Variants in RASAL2 observed in about 807,000 individuals in gnomAD.
The protein encoded by RASAL2 is RAS protein activator like 2, also known as ras GTPase-activating protein nGAP.
RASAL2 carries 58 observed loss-of-function variants against 128.9 expected under a neutral mutation model. The observed-to-expected ratio is 0.45, with a 90% CI of 0.36 to 0.56. The LOEUF is 0.56. Among genes scored for constraint, RASAL2 ranks in the 20% least tolerant of loss-of-function variants. RASAL2 has a pLI of 0.00. For missense variants in RASAL2, 1,360 were observed against 1,601.6 expected (o/e 0.85, Z 2.57); for synonymous variants, 561 against 580.8 (o/e 0.97, Z 0.49).
chr1:178,301,161 A>G (rs1667745076), intron 3 of RASAL2, among the ~76,000 whole-genome samples: 1 of 152,148 alleles, frequency 6.6e-6, no homozygotes, highest in South Asian at 2.1e-4. Context: ...TTGCTTTCCT[A>G]GAAATTAGTT....
chr1:178,323,240 C>G (rs1668878685), intron 3 of RASAL2, among the ~76,000 whole-genome samples: 4 of 152,180 alleles, frequency 2.6e-5, no homozygotes, highest in Admixed American at 2.0e-4. Flanking sequence ...AAGATTGTAT[C>G]TTACTCACCT....
chr1:178,191,165 GA>G (rs2101947546), intron 1 of RASAL2, among the ~76,000 whole-genome samples: 1 of 152,136 alleles, frequency 6.6e-6, no homozygotes, highest in East Asian at 1.9e-4. Flanking sequence ...GAAGTCAGTG[GA>G]AAAACCTCTT....
intron 1 of RASAL2, among the ~76,000 whole-genome samples, chr1:178,110,126 A>G (rs2102242038): frequency 6.6e-6 from 1 of 152,290 alleles, no homozygotes; most frequent in Non-Finnish European, 1.5e-5. Context: ...TGAAACCATT[A>G]CCACAAGCAA....
At position 178,260,749 on chromosome 1, in the gene RASAL2, C is replaced by T. The variant is rs181947248; in HGVS notation, c.203-22815C>T. 5.9e-5 allele frequency among the ~76,000 whole-genome samples: 9 copies of T among 152,160 alleles called. No individual in the cohort carries two copies. In the East Asian group the frequency reaches 1.7e-3, roughly 29 times the overall value. ...TGATTAATTCCCCCAAATTTCTCCA[C>T]TCCTTCTGTGAAACCTACTGACTGA... is the stretch of plus-strand genomic sequence containing the variant. On this transcript the variant is annotated intron_variant, in intron 1 of 17. Transcript: ENST00000367649.
intron 1 of RASAL2, among the ~76,000 whole-genome samples, chr1:178,242,933 A>C (rs1375779664): frequency 6.6e-6 from 1 of 152,010 alleles, no homozygotes; most frequent in Non-Finnish European, 1.5e-5. Flanking sequence ...ATTCTGAAGC[A>C]TTTTATGACA....
At chr1:178,264,880 A>G (rs1665874025) in intron 1 of RASAL2, among the ~76,000 whole-genome samples, 5 of 152,136 alleles carry the variant, frequency 3.3e-5, no homozygotes, top group Admixed American at 3.3e-4. Context: ...CCAACCCTCT[A>G]ATCACAGGGT....
At chr1:178,429,500 G>A (rs535154362) in intron 5 of RASAL2, among the ~76,000 whole-genome samples, 239 of 152,212 alleles carry the variant, frequency 1.6e-3, no homozygotes, top group Non-Finnish European at 2.7e-3. Context: ...TCAAGGTAGT[G>A]GAACTGGTTC....
intron 5 of RASAL2, among the ~76,000 whole-genome samples, chr1:178,438,631 T>C (rs926644077): frequency 6.6e-6 from 1 of 152,006 alleles, no homozygotes; most frequent in Non-Finnish European, 1.5e-5. Flanking sequence ...AGCATTCTTC[T>C]TATAAGCAAC....
intron 1 of RASAL2, among the ~76,000 whole-genome samples, chr1:178,148,790 A>G (rs774569914): frequency 7.2e-5 from 11 of 152,182 alleles, no homozygotes; most frequent in Non-Finnish European, 1.6e-4. Context: ...AGAGTTGTCC[A>G]TGGCTACTCA....
chr1:178,424,153 T>C (rs1181195211), intron 5 of RASAL2, among the ~76,000 whole-genome samples: 1 of 152,164 alleles, frequency 6.6e-6, no homozygotes, highest in Non-Finnish European at 1.5e-5. Context: ...AAATATTCTA[T>C]CTGGAGCGAT....
At chr1:178,451,472 T>G in intron 9 of RASAL2, 99 bp from the exon 10 acceptor site, 1 of 1,274,152 alleles carries the variant, frequency 7.8e-7, no homozygotes, top group Non-Finnish European at 1.1e-6. Context: ...TAGAAAAGAA[T>G]TCCCCATTAT....
At chr1:178,270,805 G>C (rs1174234116) in intron 1 of RASAL2, among the ~76,000 whole-genome samples, 4 of 152,242 alleles carry the variant, frequency 2.6e-5, no homozygotes, top group African/African-American at 9.6e-5. Flanking sequence ...TGGACCTGCT[G>C]TTTGTCGGGG....
chr1:178,163,039 C>T (rs894661292), intron 1 of RASAL2, among the ~76,000 whole-genome samples: 4 of 151,626 alleles, frequency 2.6e-5, no homozygotes, highest in South Asian at 2.1e-4. Flanking sequence ...GGTGTGATCT[C>T]GGCTCACTGA....
chr1:178,247,366 A>G (rs2102070771), intron 1 of RASAL2, among the ~76,000 whole-genome samples: 1 of 152,150 alleles, frequency 6.6e-6, no homozygotes, highest in East Asian at 1.9e-4. Flanking sequence ...AGGTGTTTAT[A>G]GTATTCTCTG....
intron 1 of RASAL2, among the ~76,000 whole-genome samples, chr1:178,247,255 G>T (rs1664808097): frequency 6.6e-6 from 1 of 152,084 alleles, no homozygotes. Context: ...CTTGTTATTG[G>T]TCTATTCAGG....
intron 1 of RASAL2, among the ~76,000 whole-genome samples, chr1:178,207,666 C>G (rs1663102022): frequency 6.6e-6 from 1 of 152,068 alleles, no homozygotes; most frequent in Non-Finnish European, 1.5e-5. Flanking sequence ...TTTTATCAGA[C>G]TGAAAAATGC....
chr1:178,387,536 C>T (rs1482037674), intron 3 of RASAL2, among the ~76,000 whole-genome samples: 1 of 151,894 alleles, frequency 6.6e-6, no homozygotes, highest in Non-Finnish European at 1.5e-5. Flanking sequence ...CCCCCTACCC[C>T]ACAACAGTCC....
intron 1 of RASAL2, among the ~76,000 whole-genome samples, chr1:178,162,289 T>TCATA (rs1661333682): frequency 8.2e-6 from 1 of 122,332 alleles, no homozygotes. Context: ...TAAGATTTCT[T>TCATA]TATATATATA....
chr1:178,465,226 G>A (rs1277266800), intron 15 of RASAL2, among the ~76,000 whole-genome samples: 1 of 152,158 alleles, frequency 6.6e-6, no homozygotes, highest in African/African-American at 2.4e-5. Flanking sequence ...GGGCAAAGAA[G>A]CAATATTAAT....
Sources: allele counts gnomAD v4.1 joint callset (sites outside exome capture counted in the v4.1 genomes callset), GRCh38; gene constraint gnomAD v4.1.1; transcripts MANE v1.5; gene names NCBI Gene and HGNC (gene_info 2026-07-23, HGNC 2026-07-21).